ENDOD1: variants seen among roughly 807,000 people sequenced by gnomAD.
ENDOD1 encodes endonuclease domain containing 1.
ENDOD1 carries 9 observed loss-of-function variants against 6.5 expected under a neutral mutation model. The observed-to-expected ratio is 1.39, with a 90% CI of 0.84 to 2.43. ENDOD1 has a LOEUF of 2.43. Among genes scored for constraint, ENDOD1 ranks in the 30% most tolerant of loss-of-function variants. The pLI is 0.00. For synonymous variants in ENDOD1, 255 were observed against 255.2 expected, an observed-to-expected ratio of 1.00 and a Z score of 0.01; for missense variants, 648 against 635.5, an observed-to-expected ratio of 1.02 and a Z score of -0.21.
chr11:95,116,629 A>T (rs562309193), intron 1 of ENDOD1, among the ~76,000 whole-genome samples: 1 of 152,174 alleles, frequency 6.6e-6, no homozygotes, highest in Non-Finnish European at 1.5e-5. Context: ...TTATGCCTAT[A>T]GACTTCCCTC....
chr11:95,104,905 T>G (rs1447898031), intron 1 of ENDOD1, among the ~76,000 whole-genome samples: 1 of 152,210 alleles, frequency 6.6e-6, no homozygotes, highest in African/African-American at 2.4e-5. Flanking sequence ...CTTCACTGGC[T>G]GTTGTCAGTC....
intron 1 of ENDOD1, among the ~76,000 whole-genome samples, chr11:95,096,227 CTTTTTTTTTT>C (rs10660230): frequency 4.0e-5 from 2 of 49,964 alleles, no homozygotes; most frequent in Non-Finnish European, 6.7e-5. Context: ...GTCAAGAAAG[CTTTTTTTTTT>C]TTTTTTTTTT....
chr11:95,122,376 C>A (rs1271833807), intron 1 of ENDOD1, among the ~76,000 whole-genome samples: 5 of 151,330 alleles, frequency 3.3e-5, no homozygotes, highest in Non-Finnish European at 5.9e-5. Context: ...GCACATGCCA[C>A]CATGCCTGGC....
intron 1 of ENDOD1, among the ~76,000 whole-genome samples, chr11:95,093,933 C>T (rs781804842): frequency 2.6e-5 from 4 of 152,080 alleles, no homozygotes; most frequent in Non-Finnish European, 5.9e-5. Flanking sequence ...ACTCCAGAAA[C>T]CTGAGAACTG....
chr11:95,129,477 T>A lies in ENDOD1; in HGVS notation c.1401T>A (p.Phe467Leu). The stretch of plus-strand genomic sequence containing the variant: ...TTGGTGGCACTGTCTCACTGCTCTT[T>A]GACACTGCTTTTGGTACCCTGGGTG... ...LGLGGTVSLL[F>L]DTAFGTLGGL... Residue 467 changes from phenylalanine to leucine, a missense_variant, in exon 2 of 2, where the codon TTT becomes TTA. Physicochemically the swap from Phe to Leu is conservative, Grantham distance 22 (BLOSUM62 0). Coordinates refer to ENST00000278505, the MANE Select transcript of ENDOD1 (RefSeq NM_015036.3). 6.2e-7 allele frequency: 1 copy of A among 1,614,244 alleles called. No homozygotes were observed. The highest frequency in any genetic ancestry group is 1.1e-5 in the South Asian group (1 of 91,090).
chr11:95,114,173 C>G (rs782092113), intron 1 of ENDOD1, among the ~76,000 whole-genome samples: 1 of 152,164 alleles, frequency 6.6e-6, no homozygotes, highest in Non-Finnish European at 1.5e-5. Flanking sequence ...CTCTGATGCC[C>G]AGGCACAATC....
chr11:95,100,551 C>T lies in ENDOD1; in HGVS notation c.300+10324C>T, dbSNP rs534838260. On this transcript the variant is annotated intron_variant, in intron 1 of 1. Transcript: ENST00000278505. ...TTGCCCAGGCTTGGGTGCAGTGGTGCGATCTCAGCTCACTGCAGCCTCTGC... is the reference window on the plus strand; with the variant it reads ...TTGCCCAGGCTTGGGTGCAGTGGTGTGATCTCAGCTCACTGCAGCCTCTGC... 5.3e-5 allele frequency among the ~76,000 whole-genome samples: 8 copies of T among 152,146 alleles called. No individual in the cohort carries two copies. In the East Asian group the frequency reaches 5.8e-4, roughly 11 times the overall value.
Position 95,129,175 on chromosome 11 carries a change from C to A in ENDOD1, c.1099C>A (p.Gln367Lys), listed in dbSNP as rs1325538655. ...CTATTTCCTGTGGTGTGTTACCAAG[C>A]AGGTGATTAATGGCATAGAAAGTTG... ...IVYFLWCVTK[Q>K]VINGIESCLY... Residue 367 changes from glutamine to lysine, a missense_variant, in exon 2 of 2, where the codon CAG (glutamine) becomes AAG (lysine). By Grantham distance (53) the Gln-to-Lys change is moderately conservative. Transcript: ENST00000278505. 9.9e-6 allele frequency: 16 copies of A among 1,614,142 alleles called. No homozygotes were observed. Among genetic ancestry groups the A allele is most frequent in the East Asian group, 2.2e-5 (1 of 44,876 alleles).
chr11:95,096,008 C>T (rs1193691716), intron 1 of ENDOD1, among the ~76,000 whole-genome samples: 1 of 152,130 alleles, frequency 6.6e-6, no homozygotes, highest in South Asian at 2.1e-4. Context: ...TAAATGCCAG[C>T]TTCAGATTTC....
chr11:95,117,666 A>T (rs1859224397), intron 1 of ENDOD1, among the ~76,000 whole-genome samples: 1 of 152,008 alleles, frequency 6.6e-6, no homozygotes, highest in Non-Finnish European at 1.5e-5. Context: ...TGGGTGAAGC[A>T]TGTTTCTAGT....
Position 95,131,404 on chromosome 11 carries a change from G to T in ENDOD1, c.*1825G>T, listed in dbSNP as rs1169784771. ...AATTTTAGAAGTGACCAGAGGGACA[G>T]TCCAGCCAAACTATTATTTGATAAG... is the stretch of plus-strand genomic sequence containing the variant. On this transcript the variant is annotated 3_prime_UTR_variant, in exon 2 of 2. Transcript: ENST00000278505. 6.6e-6 allele frequency: 1 copy of T among 152,268 alleles called. No individual in the cohort carries two copies. The highest frequency in any genetic ancestry group is 2.4e-5 in the African/African-American group (1 of 41,444). 9.4% of individuals were successfully genotyped at this position (152,268 alleles called of 1,614,324 possible).
chr11:95,097,342 A>G (rs1411061462), intron 1 of ENDOD1, among the ~76,000 whole-genome samples: 22 of 152,160 alleles, frequency 1.4e-4, no homozygotes, highest in Admixed American at 1.4e-3. Context: ...GCAGGCATCT[A>G]TAGAGGGGGA....
In ENDOD1 at chr11:95,128,757, C is replaced by T; in HGVS notation, c.681C>T (p.Val227=). ...TTTGGCTGGCAGCCTGTTGTGCTGTCCCTGGAGGAGGCTGGGCCATGGGCT... is the reference window on the plus strand; with the variant it reads ...TTTGGCTGGCAGCCTGTTGTGCTGTTCCTGGAGGAGGCTGGGCCATGGGCT... ...EFVWLAACCA[V]PGGGWAMGFV... The change falls in exon 2 of 2, where the codon GTC becomes GTT. Residue 227 remains valine (V), a synonymous_variant. Transcript: ENST00000278505. 6.2e-7 allele frequency: 1 copy of T among 1,614,168 alleles called. No homozygotes were observed. The highest frequency in any genetic ancestry group is 8.5e-7 in the Non-Finnish European group (1 of 1,180,024).
chr11:95,112,765 G>A (rs1255420930), intron 1 of ENDOD1, among the ~76,000 whole-genome samples: 3 of 152,090 alleles, frequency 2.0e-5, no homozygotes, highest in Admixed American at 1.3e-4. Context: ...CTGAAATTCC[G>A]TTGCTTTTCT....
In ENDOD1 at chr11:95,128,445, C is replaced by T. The variant is rs1196162828; in HGVS notation, c.369C>T (p.Ser123=). 3 of 1,614,186 alleles carry T rather than the reference C, an allele frequency of 1.9e-6. No homozygotes were observed. Among genetic ancestry groups the T allele is most frequent in the East Asian group, 2.2e-5 (1 of 44,878 alleles). ...CAGAGGCCATCACCTCTGTGAACAGCCTGGGAAGCAAGCAAGCCTTGAATA... is the reference window on the plus strand; with the variant it reads ...CAGAGGCCATCACCTCTGTGAACAGTCTGGGAAGCAAGCAAGCCTTGAATA... The part of the protein sequence containing the change: ...NEAEAITSVN[S]LGSKQALNTD... Residue 123 remains serine (S), a synonymous_variant, in exon 2 of 2, where the codon AGC becomes AGT. Transcript: ENST00000278505.
Position 95,129,395 on chromosome 11 carries a change from T to G in ENDOD1, c.1319T>G (p.Phe440Cys), listed in dbSNP as rs753808063. The G allele has an allele frequency of 6.2e-7, 1 of 1,614,200 alleles. No homozygotes were observed. Among genetic ancestry groups the G allele is most frequent in the Non-Finnish European group, 8.5e-7 (1 of 1,180,036 alleles). The change falls in exon 2 of 2, where the codon TTC (phenylalanine) becomes TGC (cysteine). Residue 440 changes from phenylalanine (F) to cysteine (C), a missense_variant. By Grantham distance (205) the Phe-to-Cys change is radical. Transcript: ENST00000278505. ...CGTGTCCTTGTGGATGTGGCCACTTTCCCTGTGTACACCATGGGCGCTATT... is the reference window on the plus strand; with the variant it reads ...CGTGTCCTTGTGGATGTGGCCACTTGCCCTGTGTACACCATGGGCGCTATT... ...PVRVLVDVAT[F>C]PVYTMGAIPI... is the part of the protein sequence containing the mutation.
Position 95,129,232 on chromosome 11 carries a change from T to C in ENDOD1, c.1156T>C (p.Tyr386His), listed in dbSNP as rs1347331363. 2.5e-6 allele frequency: 4 copies of C among 1,614,216 alleles called. No homozygotes were observed. Among genetic ancestry groups the C allele is most frequent in the Non-Finnish European group, 3.4e-6 (4 of 1,180,040 alleles). The change falls in exon 2 of 2, where the codon TAC becomes CAC. Residue 386 changes from tyrosine (Y) to histidine (H), a missense_variant. Coordinates refer to ENST00000278505, the MANE Select transcript of ENDOD1 (RefSeq NM_015036.3). Reference protein sequence around the residue: ...LYRLGSATISYFMAIGEELVS... With the variant: ...LYRLGSATISHFMAIGEELVS... ...CCGCCTGGGCTCAGCCACCATCTCA[T>C]ACTTCATGGCCATTGGGGAAGAGTT...
At chr11:95,090,828 A>G (rs1858923502) in intron 1 of ENDOD1, among the ~76,000 whole-genome samples, 1 of 152,180 alleles carries the variant, frequency 6.6e-6, no homozygotes, top group Non-Finnish European at 1.5e-5. Flanking sequence ...CTAGCCTGAA[A>G]ATCCTTCCTC....
In ENDOD1 at chr11:95,129,070, A is replaced by G. The variant is rs184092436; in HGVS notation, c.994A>G (p.Met332Val). 17 of 1,614,042 alleles carry G rather than the reference A, an allele frequency of 1.1e-5. No homozygotes were observed. Among genetic ancestry groups the G allele is most frequent in the African/African-American group, 2.7e-5 (2 of 75,034 alleles). The change falls in exon 2 of 2, where the codon ATG becomes GTG. Residue 332 changes from methionine to valine, a missense_variant. Coordinates refer to ENST00000278505, the MANE Select transcript of ENDOD1 (RefSeq NM_015036.3). ...EGSSSFLGKL[M>V]GFIATPFIKL... ...AAGTAGTAGCTTTTTGGGAAAACTCATGGGCTTCATTGCTACCCCATTCAT... is the reference window on the plus strand; with the variant it reads ...AAGTAGTAGCTTTTTGGGAAAACTCGTGGGCTTCATTGCTACCCCATTCAT...
Sources: gnomAD v4.1 joint callset for allele counts (sites outside exome capture counted in the v4.1 genomes callset) on GRCh38, gnomAD v4.1.1 for gene constraint, MANE v1.5 for transcripts, NCBI Gene and HGNC (gene_info 2026-07-23, HGNC 2026-07-21) for gene names.